Variants in ZBTB20 observed in about 807,000 individuals in gnomAD.
The protein encoded by ZBTB20 is zinc finger and BTB domain-containing protein 20.
In ZBTB20, 9 loss-of-function variants were observed where a neutral mutation model predicts 56.9. The ratio of observed to expected loss-of-function variants is 0.16; its 90% CI spans 0.10 to 0.28. ZBTB20 has a LOEUF of 0.28. Among genes scored for constraint, ZBTB20 ranks in the 10% least tolerant of loss-of-function variants. The probability of loss-of-function intolerance (pLI) is 1.00; values close to 1 mark genes in which losing one functional copy is unlikely to be tolerated. For synonymous variants in ZBTB20, 417 were observed against 420.7 expected (o/e 0.99, Z 0.11); for missense variants, 655 against 1,003.0 (o/e 0.65, Z 4.69).
At chr3:115,101,872 C>T (rs940155722) in intron 1 of ZBTB20, among the ~76,000 whole-genome samples, 1 of 151,964 alleles carries the variant, frequency 6.6e-6, no homozygotes, top group African/African-American at 2.4e-5. Flanking sequence ...GAAACAACAG[C>T]TTCAATTCTT....
intron 6 of ZBTB20, among the ~76,000 whole-genome samples, chr3:114,580,426 T>C (rs1419393733): frequency 6.6e-6 from 1 of 151,760 alleles, no homozygotes; most frequent in Non-Finnish European, 1.5e-5. Flanking sequence ...AACATTTCCA[T>C]TAAAATAAGA....
intron 3 of ZBTB20, among the ~76,000 whole-genome samples, chr3:114,942,142 A>G (rs2076740708): frequency 6.9e-6 from 1 of 145,898 alleles, no homozygotes; most frequent in Non-Finnish European, 1.5e-5. Context: ...TCACAGTTTA[A>G]TAAATAATTT....
chr3:114,554,151 T>A (rs537253261), intron 6 of ZBTB20, among the ~76,000 whole-genome samples: 17 of 152,272 alleles, frequency 1.1e-4, no homozygotes, highest in African/African-American at 4.1e-4. Flanking sequence ...CCAGATGAGG[T>A]CATCATTTTC....
At chr3:114,662,439 C>T (rs1270241674) in intron 6 of ZBTB20, among the ~76,000 whole-genome samples, 1 of 145,250 alleles carries the variant, frequency 6.9e-6, no homozygotes, top group East Asian at 2.0e-4. Context: ...ATGGCTGGGT[C>T]AAATGGTATT....
At chr3:115,026,853 A>C (rs142462290) in intron 2 of ZBTB20, among the ~76,000 whole-genome samples, 1 of 150,770 alleles carries the variant, frequency 6.6e-6, no homozygotes, top group Non-Finnish European at 1.5e-5. Context: ...AAAAAGCAAC[A>C]GTAACAATAT....
chr3:114,522,047 A>T (rs958208342), intron 6 of ZBTB20, among the ~76,000 whole-genome samples: 1 of 152,022 alleles, frequency 6.6e-6, no homozygotes, highest in Admixed American at 6.6e-5. Flanking sequence ...AACAAAACCG[A>T]AAAAAACCTC....
chr3:114,701,115 G>A (rs958803718), intron 5 of ZBTB20, among the ~76,000 whole-genome samples: 1 of 152,028 alleles, frequency 6.6e-6, no homozygotes, highest in African/African-American at 2.4e-5. Context: ...CATATGAATG[G>A]GCAATAAAAG....
At chr3:114,402,709 A>G (rs976166961) in intron 7 of ZBTB20, among the ~76,000 whole-genome samples, 1 of 152,154 alleles carries the variant, frequency 6.6e-6, no homozygotes, top group African/African-American at 2.4e-5. Context: ...TAGAGTTGGA[A>G]AGCTGGTGGA....
chr3:114,714,515 T>C (rs1030881580), intron 5 of ZBTB20, among the ~76,000 whole-genome samples: 7 of 151,496 alleles, frequency 4.6e-5, no homozygotes, highest in African/African-American at 9.7e-5. Context: ...CTTCCTTTTA[T>C]AGTCTTCTCT....
intron 6 of ZBTB20, among the ~76,000 whole-genome samples, chr3:114,666,753 T>G (rs2061076192): frequency 6.6e-6 from 1 of 152,012 alleles, no homozygotes; most frequent in African/African-American, 2.4e-5. Context: ...AACTAGAATG[T>G]GTGATAAACT....
intron 3 of ZBTB20, among the ~76,000 whole-genome samples, chr3:114,969,499 A>G (rs1255334947): frequency 6.6e-6 from 1 of 152,206 alleles, no homozygotes; most frequent in East Asian, 1.9e-4. Flanking sequence ...GGATATTTCT[A>G]TACGTATACT....
At chr3:114,673,539 A>G (rs2061471850) in intron 6 of ZBTB20, among the ~76,000 whole-genome samples, 5 of 152,180 alleles carry the variant, frequency 3.3e-5, no homozygotes, top group Admixed American at 3.3e-4. Context: ...TTACATCATC[A>G]TATCTCAAAC....
At chr3:115,010,547 A>G (rs2079657535) in intron 2 of ZBTB20, among the ~76,000 whole-genome samples, 1 of 151,960 alleles carries the variant, frequency 6.6e-6, no homozygotes, top group South Asian at 2.1e-4. Context: ...CAAGACCATA[A>G]AGCTTATACC....
intron 6 of ZBTB20, among the ~76,000 whole-genome samples, chr3:114,642,571 C>T (rs1256866525): frequency 6.6e-6 from 1 of 151,956 alleles, no homozygotes; most frequent in Non-Finnish European, 1.5e-5. Flanking sequence ...TACGGTACCA[C>T]AAAACGAGCA....
At chr3:114,711,612 G>A (rs564488615) in intron 5 of ZBTB20, among the ~76,000 whole-genome samples, 2 of 152,308 alleles carry the variant, frequency 1.3e-5, no homozygotes, top group Admixed American at 1.3e-4. Flanking sequence ...TAAAGGAGAC[G>A]TTTTCCCAGC....
rs1195332401 is a variant in ZBTB20, at chr3:114,959,932, A to G, written c.-456+14434T>C. On this transcript the variant is annotated intron_variant, in intron 3 of 11. Coordinates refer to ENST00000675478, the MANE Select transcript of ZBTB20 (RefSeq NM_001348800.3). ...TGCTCAGAAAAACTAACTTGTTCTT[A>G]AAATGGCCATTTTCACAAAGTACTG... Among the ~76,000 whole-genome samples, 6 of 152,350 alleles carry G rather than the reference A, an allele frequency of 3.9e-5. No homozygotes were observed. The East Asian group carries it at 1.2e-3, about 29-fold the overall frequency.
At chr3:114,669,251 C>T (rs549032641) in intron 6 of ZBTB20, among the ~76,000 whole-genome samples, 1 of 152,068 alleles carries the variant, frequency 6.6e-6, no homozygotes, top group Non-Finnish European at 1.5e-5. Flanking sequence ...TATCATAGTG[C>T]CACTGTTGAA....
At chr3:114,909,070 C>T (rs913355842) in intron 3 of ZBTB20, among the ~76,000 whole-genome samples, 6 of 151,890 alleles carry the variant, frequency 4.0e-5, no homozygotes, top group African/African-American at 1.2e-4. Context: ...TGTAAAACAG[C>T]ATCAGGTAGG....
At chr3:114,735,450 T>A (rs147936769) in intron 5 of ZBTB20, among the ~76,000 whole-genome samples, 9 of 152,116 alleles carry the variant, frequency 5.9e-5, no homozygotes, top group Middle Eastern at 3.2e-3. Context: ...AGCAGATGCA[T>A]TGGGCCCAAA....
Sources: gnomAD v4.1 joint callset for allele counts (sites outside exome capture counted in the v4.1 genomes callset) on GRCh38, gnomAD v4.1.1 for gene constraint, MANE v1.5 for transcripts, NCBI Gene and HGNC (gene_info 2026-07-23, HGNC 2026-07-21) for gene names.